Variants in RANBP2 observed in about 807,000 individuals in gnomAD.
RANBP2 encodes the protein E3 SUMO-protein ligase RanBP2.
Under a neutral mutation model 303.6 loss-of-function variants are expected in RANBP2, and 57 were observed. The ratio of observed to expected loss-of-function variants is 0.19; its 90% confidence interval spans 0.15 to 0.23. The LOEUF (loss-of-function observed/expected upper bound fraction) is 0.23. Ranked by LOEUF, RANBP2 falls within the 10% of genes least tolerant of loss-of-function variation. The probability of loss-of-function intolerance (pLI) is 1.00; values close to 1 mark genes in which losing one functional copy is unlikely to be tolerated. For missense variants in RANBP2, 3,138 were observed against 3,780.8 expected, an observed-to-expected ratio of 0.83 and a Z score of 4.46; for synonymous variants, 1,167 against 1,301.5, an observed-to-expected ratio of 0.90 and a Z score of 2.23.
At chr2:108,731,264 C>G in intron 3 of RANBP2, 58 bp from the exon 4 acceptor site, 2 of 1,580,092 alleles carry the variant, frequency 1.3e-6, no homozygotes, top group Non-Finnish European at 1.7e-6. Context: ...AGTATATATA[C>G]TCCTACATAC....
the RANBP2 span, among the ~76,000 whole-genome samples, chr2:108,848,022 G>A: frequency 1.3e-5 from 2 of 151,896 alleles, no homozygotes; most frequent in Non-Finnish European, 2.9e-5. Flanking sequence ...CATACCCACA[G>A]GTAAATGGAT....
At chr2:109,118,576 C>T in the RANBP2 span, among the ~76,000 whole-genome samples, 10 of 150,042 alleles carry the variant, frequency 6.7e-5, no homozygotes, top group Non-Finnish European at 1.5e-4. Flanking sequence ...AGAATATCTG[C>T]GTGTCAGTGT....
At chr2:108,740,858 T>C (rs1573733494) in intron 7 of RANBP2, among the ~76,000 whole-genome samples, 177 bp downstream of exon 7, 1 of 150,888 alleles carries the variant, frequency 6.6e-6, no homozygotes, top group African/African-American at 2.5e-5. Flanking sequence ...GTGAGGCTGG[T>C]GAAACAGGGA....
the RANBP2 span, among the ~76,000 whole-genome samples, chr2:109,651,045 C>T: frequency 6.6e-6 from 1 of 152,050 alleles, no homozygotes; most frequent in African/African-American, 2.4e-5. Context: ...TCTTGTAGTT[C>T]TACCCGTATT....
At chr2:108,937,674 A>T in the RANBP2 span, among the ~76,000 whole-genome samples, 1 of 151,200 alleles carries the variant, frequency 6.6e-6, no homozygotes, top group East Asian at 1.9e-4. Context: ...ATGTGTGAGT[A>T]TAAGTGTATG....
At chr2:108,914,979 C>A in the RANBP2 span, among the ~76,000 whole-genome samples, 2 of 152,244 alleles carry the variant, frequency 1.3e-5, no homozygotes, top group Non-Finnish European at 2.9e-5. Context: ...GTGGCACGAT[C>A]TTGGCTCACT....
At chr2:109,421,083 C>T in the RANBP2 span, among the ~76,000 whole-genome samples, 1 of 152,230 alleles carries the variant, frequency 6.6e-6, no homozygotes, top group Non-Finnish European at 1.5e-5. Context: ...CTGGCAGCTT[C>T]AGGCAAAGCT....
At position 108,751,387 on chromosome 2, in the gene RANBP2, A is replaced by G. The variant is rs1157233283; in HGVS notation, c.1397A>G (p.His466Arg). ...WLKQLFHHLP[H>R]ETSRLETNAP... ...AAACAGCTTTTCCATCATTTGCCCC[A>G]TGAAACCTCAAGGCTTGAAACAAAT... The change falls in exon 10 of 29, where the codon CAT becomes CGT. Residue 466 changes from histidine to arginine, a missense_variant. Coordinates refer to ENST00000283195, the MANE Select transcript of RANBP2 (RefSeq NM_006267.5). 1 of 1,612,046 alleles carries G rather than the reference A, an allele frequency of 6.2e-7. No individual in the cohort carries two copies. Among genetic ancestry groups the G allele is most frequent in the Non-Finnish European group, 8.5e-7 (1 of 1,179,862 alleles).
chr2:108,930,223 G>T, the RANBP2 span: 5 of 1,613,992 alleles, frequency 3.1e-6, no homozygotes, highest in African/African-American at 1.3e-5. Context: ...TTCCGCTCGG[G>T]CTGAGCACAT....
At chr2:108,917,651 G>A in the RANBP2 span, among the ~76,000 whole-genome samples, 3 of 152,106 alleles carry the variant, frequency 2.0e-5, no homozygotes, top group African/African-American at 7.2e-5. Flanking sequence ...ACTAGAGGGG[G>A]GTCAAACGGG....
intron 5 of RANBP2, 87 bp downstream of exon 5, chr2:108,735,849 C>A: frequency 6.3e-7 from 1 of 1,592,960 alleles, no homozygotes; most frequent in Non-Finnish European, 8.5e-7. Context: ...CCCCGCAGGA[C>A]TTAAAATTTC....
the RANBP2 span, among the ~76,000 whole-genome samples, chr2:109,571,619 A>G: frequency 1.3e-5 from 2 of 152,200 alleles, no homozygotes; most frequent in African/African-American, 4.8e-5. Flanking sequence ...CCACCATTCT[A>G]TATTTGGTCC....
At chr2:109,643,325 T>C in the RANBP2 span, among the ~76,000 whole-genome samples, 34 of 152,182 alleles carry the variant, frequency 2.2e-4, no homozygotes, top group African/African-American at 7.2e-4. Flanking sequence ...CCATCTTGAA[T>C]AGGGGTTGAG....
the RANBP2 span, among the ~76,000 whole-genome samples, chr2:109,642,387 G>A: frequency 8.9e-3 from 1,352 of 152,264 alleles, 20 homozygotes; most frequent in African/African-American, 0.03. Flanking sequence ...GCTAAAAAGC[G>A]CCAAACAAAG....
the RANBP2 span, among the ~76,000 whole-genome samples, chr2:109,511,083 G>C: frequency 6.6e-6 from 1 of 152,224 alleles, no homozygotes; most frequent in East Asian, 1.9e-4. Context: ...GAGGCAGAGA[G>C]CAGTTAACCA....
chr2:109,515,419 T>A, the RANBP2 span, among the ~76,000 whole-genome samples: 1 of 152,064 alleles, frequency 6.6e-6, no homozygotes, highest in African/African-American at 2.4e-5. Flanking sequence ...GCTAACTTGC[T>A]TCATCTCATG....
the RANBP2 span, among the ~76,000 whole-genome samples, chr2:109,678,161 G>GT: frequency 6.6e-6 from 1 of 152,254 alleles, no homozygotes; most frequent in Non-Finnish European, 1.5e-5. Context: ...TACAGCAAGA[G>GT]TTTTTTGACC....
the RANBP2 span, among the ~76,000 whole-genome samples, chr2:109,156,634 T>C: frequency 1.3e-5 from 2 of 152,074 alleles, no homozygotes; most frequent in Non-Finnish European, 2.9e-5. Context: ...TTAGTAGAGA[T>C]GGGGTTTCAC....
chr2:109,426,081 A>AT, the RANBP2 span, among the ~76,000 whole-genome samples: 2 of 152,034 alleles, frequency 1.3e-5, no homozygotes, highest in Middle Eastern at 3.4e-3. Flanking sequence ...TATATTGTAT[A>AT]TTTTTTTAGT....
Sources: allele counts gnomAD v4.1 joint callset (sites outside exome capture counted in the v4.1 genomes callset), GRCh38; gene constraint gnomAD v4.1.1; transcripts MANE v1.5; gene names NCBI Gene and HGNC (gene_info 2026-07-23, HGNC 2026-07-21).